The following TAOK3 variants were observed in gnomAD, a reference collection of about 807,000 sequenced individuals.
TAOK3 encodes serine/threonine-protein kinase TAO3.
A neutral mutation model predicts 120.4 loss-of-function variants in TAOK3; 40 were observed. The ratio of observed to expected loss-of-function variants is 0.33; its 90% confidence interval spans 0.26 to 0.43. TAOK3 has a LOEUF of 0.43. TAOK3 is among the 20% of genes least tolerant of loss of function. The pLI is 1.00. For synonymous variants in TAOK3, 355 were observed against 387.5 expected, an observed-to-expected ratio of 0.92 and a Z score of 0.99; for missense variants, 821 against 1,112.1, an observed-to-expected ratio of 0.74 and a Z score of 3.72.
At position 118,212,994 on chromosome 12, in the gene TAOK3, T is replaced by C. The variant is rs1406882745; in HGVS notation, c.739A>G (p.Thr247Ala). 3 of 1,600,160 alleles carry C rather than the reference T, an allele frequency of 1.9e-6. No individual in the cohort carries two copies. The highest frequency in any genetic ancestry group is 1.3e-5 in the African/African-American group (1 of 74,406). The change falls in exon 11 of 21, where the codon ACA (threonine) becomes GCA (alanine). Residue 247 changes from threonine (T) to alanine (A), a missense_variant and splice_region_variant. This residue lies in a region of TAOK3 where 467 missense variants were observed against 540.0 expected (regional missense o/e 0.86). Coordinates refer to ENST00000392533, the MANE Select transcript of TAOK3 (RefSeq NM_016281.4). ...TCAACAAATCTCCTAAAGGAGTCTG[T>C]CCTGTGTGTGCAAATACACAAAAGA... ...DSPTLQSNEW[T>A]DSFRRFVDYC...
chr12:118,361,520 C>T (rs954707437), intron 1 of TAOK3, among the ~76,000 whole-genome samples: 14 of 151,102 alleles, frequency 9.3e-5, no homozygotes, highest in Non-Finnish European at 1.3e-4. Flanking sequence ...TGCAGTGGCA[C>T]GATCTTGGAT....
chr12:118,281,458 G>A (rs1186432189), intron 1 of TAOK3, among the ~76,000 whole-genome samples: 9 of 152,124 alleles, frequency 5.9e-5, no homozygotes, highest in African/African-American at 2.2e-4. Flanking sequence ...GAATTATGAA[G>A]GAAACTAGTT....
At chr12:118,339,339 C>A (rs2044511583) in intron 1 of TAOK3, among the ~76,000 whole-genome samples, 1 of 125,256 alleles carries the variant, frequency 8.0e-6, no homozygotes, top group African/African-American at 3.1e-5. Flanking sequence ...GGCTGGAGTG[C>A]AATGGCGCGA....
chr12:118,340,174 G>GTA (rs2044554515), intron 1 of TAOK3, among the ~76,000 whole-genome samples: 1 of 152,142 alleles, frequency 6.6e-6, no homozygotes, highest in South Asian at 2.1e-4. Flanking sequence ...ATATTTCTGT[G>GTA]TATATATACA....
intron 17 of TAOK3, among the ~76,000 whole-genome samples, chr12:118,163,450 G>GC (rs2035356420): frequency 1.7e-5 from 2 of 117,850 alleles, no homozygotes; most frequent in Non-Finnish European, 3.7e-5. Context: ...TTTTTTTTTG[G>GC]GGGGGGTGGG....
At chr12:118,274,312 A>G (rs1465254250) in intron 1 of TAOK3, among the ~76,000 whole-genome samples, 1 of 152,136 alleles carries the variant, frequency 6.6e-6, no homozygotes, top group East Asian at 1.9e-4. Context: ...GTGAACAAAT[A>G]TCCTCACATT....
At chr12:118,219,895 T>C (rs775139440) in intron 9 of TAOK3, among the ~76,000 whole-genome samples, 3 of 148,912 alleles carry the variant, frequency 2.0e-5, no homozygotes, top group Non-Finnish European at 4.4e-5. Context: ...ATTATAGGCA[T>C]GAGCGACCAT....
In TAOK3 at chr12:118,167,049, C is replaced by T. The variant is rs370885652; in HGVS notation, c.1900-5022G>A. 2.6e-5 allele frequency among the ~76,000 whole-genome samples: 4 copies of T among 152,172 alleles called. No individual in the cohort carries two copies. The East Asian group carries it at 7.7e-4, about 29-fold the overall frequency. On this transcript the variant is annotated intron_variant, in intron 17 of 20. Transcript: ENST00000392533. ...CAGGCTCACTGAGGTTGAGTAAAAA[C>T]GAGAATTCTAACTTTTAAATAGAGA...
rs146723626 is a variant in TAOK3 at position 118,354,276 on chromosome 12, T to C, written c.-194+18372A>G. 5.8e-3 allele frequency among the ~76,000 whole-genome samples: 888 copies of C among 152,240 alleles called. 5 individuals carry two copies. The highest frequency in any genetic ancestry group is 9.2e-3 in the Non-Finnish European group (623 of 68,008). ...GGGATGTTATTAAGTAAAATCAAGG[T>C]TAGTTGAACACAAGCACTGAGGTAC... On this transcript the variant is annotated intron_variant, in intron 1 of 20. Transcript: ENST00000392533.
At chr12:118,300,106 T>A (rs1030204943) in intron 1 of TAOK3, among the ~76,000 whole-genome samples, 1 of 152,196 alleles carries the variant, frequency 6.6e-6, no homozygotes, top group Non-Finnish European at 1.5e-5. Flanking sequence ...CAGGGAAACA[T>A]CATCAAAGGA....
In TAOK3 at chr12:118,371,893, C is replaced by T. The variant is rs1187862153; in HGVS notation, c.-194+755G>A. Among the ~76,000 whole-genome samples the T allele has an allele frequency of 6.6e-6, 1 of 151,772 alleles. No individual in the cohort carries two copies. The highest frequency in any genetic ancestry group is 2.4e-5 in the African/African-American group (1 of 41,294). Reference sequence around the variant, plus strand: ...TCCCGAGCCCTCTGGGGGTCCCCTCCTCTCACCCCGCTGTCCTGGCCCCTC... The same window carrying T: ...TCCCGAGCCCTCTGGGGGTCCCCTCTTCTCACCCCGCTGTCCTGGCCCCTC... On this transcript the variant is annotated intron_variant, in intron 1 of 20. Coordinates refer to ENST00000392533, the MANE Select transcript of TAOK3 (RefSeq NM_016281.4). This position sits in a 1 kb window ranked among gnomAD's most constrained non-coding sequence, Gnocchi z 5.5.
In TAOK3 at chr12:118,196,149, G is replaced by A. The variant is rs533582040; in HGVS notation, c.1194+2902C>T. 7.9e-5 allele frequency among the ~76,000 whole-genome samples: 12 copies of A among 152,202 alleles called. No homozygotes were observed. The East Asian group carries it at 2.3e-3, about 29-fold the overall frequency. On this transcript the variant is annotated intron_variant, in intron 13 of 20. Transcript: ENST00000392533. ...GGGCCTGGGAAAGACCAGAGTAGAGGCAAGGACTGGAGAGTAAGTAACCTG... is the reference window on the plus strand; with the variant it reads ...GGGCCTGGGAAAGACCAGAGTAGAGACAAGGACTGGAGAGTAAGTAACCTG...
intron 11 of TAOK3, among the ~76,000 whole-genome samples, chr12:118,204,800 C>A (rs142565321): frequency 6.6e-6 from 1 of 152,144 alleles, no homozygotes; most frequent in Non-Finnish European, 1.5e-5. Context: ...GAGGCCAAGG[C>A]GGGCAGATCA....
intron 2 of TAOK3, among the ~76,000 whole-genome samples, chr12:118,259,856 G>A (rs1490352019): frequency 6.6e-6 from 1 of 152,140 alleles, no homozygotes; most frequent in Admixed American, 6.5e-5. Context: ...ATGGAGATTT[G>A]CAAAGGGTTC....
intron 1 of TAOK3, among the ~76,000 whole-genome samples, chr12:118,302,429 G>A (rs2042914473): frequency 6.6e-6 from 1 of 152,152 alleles, no homozygotes; most frequent in South Asian, 2.1e-4. Flanking sequence ...CCTCTGACTT[G>A]TGGTATTGGT....
chr12:118,203,663 C>T (rs2038142530), intron 11 of TAOK3, among the ~76,000 whole-genome samples: 1 of 147,384 alleles, frequency 6.8e-6, no homozygotes, highest in South Asian at 2.1e-4. Context: ...GAGATCACAC[C>T]ATTGCACTCC....
At chr12:118,275,200 G>A (rs1429801356) in intron 1 of TAOK3, among the ~76,000 whole-genome samples, 3 of 152,130 alleles carry the variant, frequency 2.0e-5, no homozygotes, top group Non-Finnish European at 4.4e-5. Flanking sequence ...GTGCAGTGGT[G>A]TGATCACAGT....
intron 9 of TAOK3, among the ~76,000 whole-genome samples, chr12:118,223,062 C>CTTT (rs75334511): frequency 1.8e-3 from 215 of 120,072 alleles, no homozygotes; most frequent in African/African-American, 4.1e-3. Context: ...TTCTTTCTTT[C>CTTT]TTTTTTTTTT....
chr12:118,201,224 A>C (rs902891024), intron 12 of TAOK3, 72 bp downstream of exon 12: 2 of 1,398,094 alleles, frequency 1.4e-6, no homozygotes, highest in South Asian at 2.9e-5. Context: ...AAAGTTTTTC[A>C]TAGTGCCCAG....
Sources: gnomAD v4.1 joint callset for allele counts (sites outside exome capture counted in the v4.1 genomes callset) on GRCh38, gnomAD v4.1.1 for gene constraint, gnomAD v4.1.1 regional missense constraint, Gnocchi (gnomAD v3.1) non-coding constraint, MANE v1.5 for transcripts, NCBI Gene and HGNC (gene_info 2026-07-23, HGNC 2026-07-21) for gene names.